AMPD1: variants seen among roughly 807,000 people sequenced by gnomAD.
AMPD1 encodes adenosine monophosphate deaminase 1.
AMPD1 carries 74 observed loss-of-function variants against 82.9 expected under a neutral mutation model. That is an observed-to-expected ratio of 0.89 (90% CI 0.74 to 1.08). AMPD1 has a LOEUF of 1.08. Among genes scored for constraint, AMPD1 ranks in the 50% least tolerant of loss-of-function variants. AMPD1 has a pLI of 0.00. For missense variants in AMPD1, 881 were observed against 924.5 expected (o/e 0.95, Z 0.61); for synonymous variants, 333 against 320.5 (o/e 1.04, Z -0.42).
chr1:114,690,998 A>G (rs1267565669), intron 2 of AMPD1, among the ~76,000 whole-genome samples: 1 of 152,240 alleles, frequency 6.6e-6, no homozygotes, highest in Non-Finnish European at 1.5e-5. Context: ...TGGCTCTTCC[A>G]GAACAAGCAT....
At chr1:114,693,472 A>T in intron 1 of AMPD1, 25 bp from the exon 2 acceptor site, 1 of 1,602,434 alleles carries the variant, frequency 6.2e-7, no homozygotes, top group Non-Finnish European at 8.5e-7. Flanking sequence ...ATAAAACAAG[A>T]TAAAATATGT....
rs74113504 is a variant in AMPD1 at position 114,674,270 on chromosome 1, G to T, written c.1801-188C>A. Among the ~76,000 whole-genome samples the T allele has an allele frequency of 0.05, 7,576 of 152,134 alleles. 216 individuals are homozygous for T. The highest frequency in any genetic ancestry group is 0.085 in the South Asian group (411 of 4,812). ...TGCTATTTAGAATAAATGTACTTAG[G>T]ATACATTAATTTTCAGAAACATTGA... On this transcript the variant is annotated intron_variant, in intron 13 of 15. Transcript: ENST00000520113.
At chr1:114,683,690 G>T (rs917933405) in intron 5 of AMPD1, among the ~76,000 whole-genome samples, 48 of 152,092 alleles carry the variant, frequency 3.2e-4, no homozygotes, top group Non-Finnish European at 1.2e-4. Flanking sequence ...TGAGCCGAGA[G>T]GGTGCCGCTG....
intron 10 of AMPD1, 163 bp from the exon 11 acceptor site, chr1:114,676,166 A>T: frequency 1.2e-6 from 1 of 854,058 alleles, no homozygotes; most frequent in Non-Finnish European, 1.8e-6. Context: ...CCCTATAGAG[A>T]GGGATTCAGT....
At position 114,680,436 on chromosome 1, in the gene AMPD1, G is replaced by T; in HGVS notation, c.590C>A (p.Thr197Lys). Residue 197 changes from threonine (T) to lysine (K), a missense_variant, in exon 6 of 16, where the codon ACA becomes AAA. Thr to Lys is a moderately conservative substitution (Grantham distance 78). Transcript: ENST00000520113. ...GCCCAGGTTTTCAGGAAGGTTGTCT[G>T]TTCGGAAGGGGTCCTCTCCCTTCTT... The part of the protein sequence containing the change: ...PVKKGEDPFR[T>K]DNLPENLGYH... The T allele has an allele frequency of 6.2e-7, 1 of 1,614,178 alleles. No homozygotes were observed. Among genetic ancestry groups the T allele is most frequent in the East Asian group, 2.2e-5 (1 of 44,868 alleles).
At chr1:114,689,629 C>T (rs1447112768) in intron 2 of AMPD1, among the ~76,000 whole-genome samples, 2 of 152,050 alleles carry the variant, frequency 1.3e-5, no homozygotes, top group African/African-American at 4.8e-5. Flanking sequence ...CCAGCCTGGC[C>T]AACATGGCGA....
intron 2 of AMPD1, among the ~76,000 whole-genome samples, chr1:114,689,137 T>C (rs1030173479): frequency 1.3e-5 from 2 of 152,308 alleles, no homozygotes; most frequent in Middle Eastern, 3.4e-3. Context: ...TGGTGTTAAA[T>C]ATGTGGATAG....
In AMPD1 at chr1:114,688,659, G is replaced by A. The variant is rs1245211841; in HGVS notation, c.117C>T (p.Ser39=). The A allele has an allele frequency of 6.2e-7, 1 of 1,614,050 alleles. No homozygotes were observed. Among genetic ancestry groups the A allele is most frequent in the African/African-American group, 1.3e-5 (1 of 74,920 alleles). The change falls in exon 3 of 16, where the codon TCC becomes TCT. Residue 39 remains serine (S), a synonymous_variant. Coordinates refer to ENST00000520113, the MANE Select transcript of AMPD1 (RefSeq NM_000036.3). The stretch of plus-strand genomic sequence containing the variant: ...GACAGATCTCATCCACATCAAAGGG[G>A]GAAATCTCCTGACGACCTCCTTCAT... ...VKDEGGRQEI[S]PFDVDEICPI...
At chr1:114,692,014 C>G (rs978213793) in intron 2 of AMPD1, among the ~76,000 whole-genome samples, 10 of 152,098 alleles carry the variant, frequency 6.6e-5, no homozygotes, top group African/African-American at 2.4e-4. Flanking sequence ...TAACTGGGAG[C>G]CACAGTGTTC....
chr1:114,678,506 C>A lies in AMPD1; in HGVS notation c.919G>T (p.Ala307Ser). ...CRKVDTHIHA[A>S]ACMNQKHLLR... The stretch of plus-strand genomic sequence containing the variant: ...AGATGTTTCTGGTTCATGCAAGCGG[C>A]TGCATGGATATGGGTGTCCACCTGT... Residue 307 changes from alanine to serine, a missense_variant, in exon 8 of 16, where the codon GCC becomes TCC. Physicochemically the swap from Ala to Ser is moderately conservative, Grantham distance 99. This residue lies in a region of AMPD1 where 783 missense variants were observed against 786.4 expected (regional missense o/e 1.00). Coordinates refer to ENST00000520113, the MANE Select transcript of AMPD1 (RefSeq NM_000036.3). 3 of 1,614,054 alleles carry A rather than the reference C, an allele frequency of 1.9e-6. No individual in the cohort carries two copies. Among genetic ancestry groups the A allele is most frequent in the Non-Finnish European group, 2.5e-6 (3 of 1,179,954 alleles).
Position 114,677,530 on chromosome 1 carries a change from A to G in AMPD1, c.1225-16T>C, listed in dbSNP as rs1283301330. 1 of 1,613,598 alleles carries G rather than the reference A, an allele frequency of 6.2e-7. No individual in the cohort carries two copies. Among genetic ancestry groups the G allele is most frequent in the Admixed American group, 1.7e-5 (1 of 59,944 alleles). ...CACCTACCTCCTGCAAAGCCAAGAG[A>G]GAAGTCCAAGCCAGGGATTCCCACA... On this transcript the variant is annotated splice_polypyrimidine_tract_variant and intron_variant, in intron 9 of 15. Coordinates refer to ENST00000520113, the MANE Select transcript of AMPD1 (RefSeq NM_000036.3).
chr1:114,682,173 C>T (rs1658177388), intron 5 of AMPD1, among the ~76,000 whole-genome samples: 1 of 152,072 alleles, frequency 6.6e-6, no homozygotes, highest in Non-Finnish European at 1.5e-5. Flanking sequence ...ATCAGAAAGC[C>T]TCCTGTTTAC....
At chr1:114,690,066 T>C (rs1248475341) in intron 2 of AMPD1, among the ~76,000 whole-genome samples, 1 of 152,182 alleles carries the variant, frequency 6.6e-6, no homozygotes, top group Non-Finnish European at 1.5e-5. Context: ...GCAAACTGTA[T>C]GTAGAGAGAA....
chr1:114,677,278 C>G (rs1658014649), intron 10 of AMPD1, 73 bp downstream of exon 10: 3 of 1,584,446 alleles, frequency 1.9e-6, no homozygotes, highest in Non-Finnish European at 2.6e-6. Context: ...CAACACGTTC[C>G]TTGTTCATAC....
At position 114,673,912 on chromosome 1, in the gene AMPD1, G is replaced by C. The variant is rs756521034; in HGVS notation, c.1971C>G (p.Thr657=). ...ATTGCCCAAGTCCATACTATACCTT[G>C]GTAAAGTGGAATTGCATTGGGTCAT... ...STDDPMQFHF[T]KEPLMEEYAI... The change falls in exon 14 of 16, where the codon ACC becomes ACG. Residue 657 remains threonine (T), a synonymous_variant. Coordinates refer to ENST00000520113, the MANE Select transcript of AMPD1 (RefSeq NM_000036.3). 1.2e-6 allele frequency: 2 copies of C among 1,613,760 alleles called. No homozygotes were observed. The highest frequency in any genetic ancestry group is 2.7e-5 in the African/African-American group (2 of 74,872).
chr1:114,675,452 T>G lies in AMPD1; in HGVS notation c.1679+78A>C, dbSNP rs1657951646. ...CCATCACAGTAATGCATGAGGCCCC[T>G]GACCACCTTAATTGCCAATATATGT... On this transcript the variant is annotated intron_variant, in intron 12 of 15. Coordinates refer to ENST00000520113, the MANE Select transcript of AMPD1 (RefSeq NM_000036.3). 6 of 1,503,732 alleles carry G rather than the reference T, an allele frequency of 4.0e-6. No individual in the cohort carries two copies. In the Admixed American group the frequency reaches 1.0e-4, roughly 25 times the overall value. 93.1% of individuals were successfully genotyped at this position (1,503,732 alleles called of 1,614,324 possible).
intron 8 of AMPD1, 68 bp from the exon 9 acceptor site, chr1:114,678,109 TAGTC>T: frequency 6.3e-7 from 1 of 1,599,774 alleles, no homozygotes; most frequent in Non-Finnish European, 8.5e-7. Flanking sequence ...AGCTAGGAAA[TAGTC>T]AAGCAGAACT....
Position 114,680,429 on chromosome 1 carries a change from G to A in AMPD1, c.597C>T (p.Asn199=). ...GGTGATAGCCCAGGTTTTCAGGAAGGTTGTCTGTTCGGAAGGGGTCCTCTC... is the reference window on the plus strand; with the variant it reads ...GGTGATAGCCCAGGTTTTCAGGAAGATTGTCTGTTCGGAAGGGGTCCTCTC... ...KKGEDPFRTD[N]LPENLGYHLK... Residue 199 remains asparagine, a synonymous_variant, in exon 6 of 16, where the codon AAC becomes AAT. Transcript: ENST00000520113. The A allele has an allele frequency of 1.2e-6, 2 of 1,614,146 alleles. No homozygotes were observed. The highest frequency in any genetic ancestry group is 1.7e-6 in the Non-Finnish European group (2 of 1,180,028).
chr1:114,674,677 A>G (rs1272606397), intron 13 of AMPD1, 75 bp downstream of exon 13: 8 of 1,526,748 alleles, frequency 5.2e-6, no homozygotes, highest in Non-Finnish European at 7.2e-6. Flanking sequence ...ATGACTTGTG[A>G]CAGTATGGTT....
Sources: gnomAD v4.1 joint callset for allele counts (sites outside exome capture counted in the v4.1 genomes callset) on GRCh38, gnomAD v4.1.1 for gene constraint, gnomAD v4.1.1 regional missense constraint, MANE v1.5 for transcripts, NCBI Gene and HGNC (gene_info 2026-07-23, HGNC 2026-07-21) for gene names.